ARB2A: variants seen among roughly 807,000 people sequenced by gnomAD.
ARB2A encodes the protein cotranscriptional regulator ARB2A.
the ARB2A span, among the ~76,000 whole-genome samples, chr5:93,830,311 G>GTGTATGTGTGTGTGTATA: frequency 3.5e-3 from 285 of 82,202 alleles, 1 homozygote; most frequent in Non-Finnish European, 4.9e-3. Flanking sequence ...GTGTGTGTGT[G>GTGTATGTGTGTGTGTATA]TATATATATA....
the ARB2A span, among the ~76,000 whole-genome samples, chr5:93,702,130 A>C: frequency 6.6e-6 from 1 of 152,226 alleles, no homozygotes; most frequent in African/African-American, 2.4e-5. Context: ...GGAATCAATG[A>C]ACATTCTTAT....
the ARB2A span, among the ~76,000 whole-genome samples, chr5:93,883,217 TATTA>T: frequency 6.6e-6 from 1 of 151,542 alleles, no homozygotes; most frequent in African/African-American, 2.4e-5. Flanking sequence ...ATGATAGGAC[TATTA>T]ATTAAGATAC....
the ARB2A span, among the ~76,000 whole-genome samples, chr5:93,644,226 G>C: frequency 4.6e-5 from 7 of 152,166 alleles, no homozygotes; most frequent in African/African-American, 1.7e-4. Context: ...ATATAAGCCA[G>C]TTGGTGGTTT....
the ARB2A span, among the ~76,000 whole-genome samples, chr5:94,004,998 CA>C: frequency 0.06 from 752 of 12,510 alleles, 1 homozygote; most frequent in Admixed American, 0.092. Flanking sequence ...ATTTTATCAG[CA>C]AAAAAAAAAA....
At chr5:93,653,783 A>C in the ARB2A span, among the ~76,000 whole-genome samples, 32,368 of 152,096 alleles carry the variant, frequency 0.21, 5,173 homozygotes, top group African/African-American at 0.44. Flanking sequence ...ATCCTTATAA[A>C]AAACCAGTGA....
chr5:94,045,477 A>G, the ARB2A span, among the ~76,000 whole-genome samples: 110,362 of 152,034 alleles, frequency 0.73, 41,662 homozygotes, highest in South Asian at 0.85. Flanking sequence ...AAATACTTTT[A>G]AATCACAAAC....
At chr5:93,918,967 C>T in the ARB2A span, among the ~76,000 whole-genome samples, 4 of 152,098 alleles carry the variant, frequency 2.6e-5, no homozygotes, top group Admixed American at 2.0e-4. Context: ...GAACAGTGGG[C>T]AGTGGTTCCC....
At chr5:93,652,514 GACT>G in the ARB2A span, among the ~76,000 whole-genome samples, 1 of 152,096 alleles carries the variant, frequency 6.6e-6, no homozygotes, top group Non-Finnish European at 1.5e-5. Context: ...GAAATTGGTT[GACT>G]ACATTTAGCA....
At chr5:93,963,995 AG>A in the ARB2A span, among the ~76,000 whole-genome samples, 1 of 152,058 alleles carries the variant, frequency 6.6e-6, no homozygotes, top group African/African-American at 2.4e-5. Context: ...GTTATGAAAC[AG>A]GAAGCACCAG....
chr5:93,631,818 G>A, the ARB2A span, among the ~76,000 whole-genome samples: 28 of 151,600 alleles, frequency 1.8e-4, no homozygotes, highest in East Asian at 1.2e-3. Flanking sequence ...GGAGAGGGGA[G>A]GGGGGAGAGA....
the ARB2A span, among the ~76,000 whole-genome samples, chr5:93,699,000 C>T: frequency 6.6e-6 from 1 of 152,084 alleles, no homozygotes; most frequent in African/African-American, 2.4e-5. Flanking sequence ...TTTCTGCTCC[C>T]AACAGCACAG....
the ARB2A span, among the ~76,000 whole-genome samples, chr5:93,855,733 G>T: frequency 6.6e-6 from 1 of 152,136 alleles, no homozygotes; most frequent in Admixed American, 6.5e-5. Flanking sequence ...AGTTTGGCTG[G>T]ATATTAAATT....
At chr5:93,946,006 A>C in the ARB2A span, among the ~76,000 whole-genome samples, 26 of 152,212 alleles carry the variant, frequency 1.7e-4, no homozygotes, top group South Asian at 4.1e-4. Context: ...AATCTCAATA[A>C]AAAGTATTTT....
chr5:94,009,618 CA>C, the ARB2A span, among the ~76,000 whole-genome samples: 1 of 151,992 alleles, frequency 6.6e-6, no homozygotes, highest in Admixed American at 6.6e-5. Flanking sequence ...ATAATTTCTC[CA>C]GTGTGATCTT....
the ARB2A span, among the ~76,000 whole-genome samples, chr5:94,026,473 T>G: frequency 6.6e-6 from 1 of 152,058 alleles, no homozygotes; most frequent in Admixed American, 6.6e-5. Context: ...TGAGGATGAT[T>G]TTTCTCCCAG....
the ARB2A span, among the ~76,000 whole-genome samples, chr5:93,826,362 C>T: frequency 6.6e-6 from 1 of 152,186 alleles, no homozygotes; most frequent in Non-Finnish European, 1.5e-5. Context: ...AAGGTCCCCA[C>T]ATGCATGGCA....
the ARB2A span, among the ~76,000 whole-genome samples, chr5:93,640,365 C>T: frequency 6.6e-6 from 1 of 151,522 alleles, no homozygotes; most frequent in Non-Finnish European, 1.5e-5. Flanking sequence ...AGGAGAATTG[C>T]TTGAACCCGT....
the ARB2A span, among the ~76,000 whole-genome samples, chr5:93,646,530 T>C: frequency 1.2e-3 from 188 of 152,134 alleles, no homozygotes; most frequent in African/African-American, 4.3e-3. Context: ...TTTGTAACTA[T>C]GTCATTCTTA....
At chr5:93,821,723 A>C in the ARB2A span, among the ~76,000 whole-genome samples, 5 of 152,254 alleles carry the variant, frequency 3.3e-5, no homozygotes, top group South Asian at 1.0e-3. Context: ...CTTTCAAACA[A>C]AAACACAGTG....
Sources: gnomAD v4.1 joint callset for allele counts (sites outside exome capture counted in the v4.1 genomes callset) on GRCh38, gnomAD v4.1.1 for gene constraint, MANE v1.5 for transcripts, NCBI Gene and HGNC (gene_info 2026-07-23, HGNC 2026-07-21) for gene names.